SLCO3A1: variants seen among roughly 807,000 people sequenced by gnomAD.
SLCO3A1 encodes solute carrier organic anion transporter family member 3A1, also known as PGE1 transporter.
Under a neutral mutation model 63.1 loss-of-function variants are expected in SLCO3A1, and 27 were observed. The ratio of observed to expected loss-of-function variants is 0.43; its 90% CI spans 0.32 to 0.59. The LOEUF (loss-of-function observed/expected upper bound fraction) is 0.59. Among genes scored for constraint, SLCO3A1 ranks in the 20% least tolerant of loss-of-function variants. The pLI is 0.09. For missense variants in SLCO3A1, 773 were observed against 945.8 expected (o/e 0.82, Z 2.40); for synonymous variants, 473 against 409.9 (o/e 1.15, Z -1.86).
chr15:92,108,412 C>T (rs2047690366), intron 4 of SLCO3A1, among the ~76,000 whole-genome samples: 1 of 152,222 alleles, frequency 6.6e-6, no homozygotes, highest in African/African-American at 2.4e-5. Context: ...GTCCTCTCCT[C>T]CCCTTTCCTA....
Position 91,971,124 on chromosome 15 carries a change from G to A in SLCO3A1, c.646+54666G>A, listed in dbSNP as rs556056747. On this transcript the variant is annotated intron_variant, in intron 2 of 9. Coordinates refer to ENST00000318445, the MANE Select transcript of SLCO3A1 (RefSeq NM_013272.4). ...AAACAAGGTGACCTTGGCCGGGCGCGGTGGCTCACACCTGTAATCTTAGCA... is the reference window on the plus strand; with the variant it reads ...AAACAAGGTGACCTTGGCCGGGCGCAGTGGCTCACACCTGTAATCTTAGCA... Among the ~76,000 whole-genome samples, 6 of 152,104 alleles carry A rather than the reference G, an allele frequency of 3.9e-5. No individual in the cohort carries two copies. The East Asian group carries it at 1.2e-3, about 29-fold the overall frequency.
At chr15:92,024,856 C>T (rs2046551892) in intron 2 of SLCO3A1, among the ~76,000 whole-genome samples, 1 of 152,020 alleles carries the variant, frequency 6.6e-6, no homozygotes, top group East Asian at 1.9e-4. Context: ...AATACAAAGG[C>T]CTTCCCATTC....
chr15:92,122,038 G>A (rs868234683), intron 5 of SLCO3A1, among the ~76,000 whole-genome samples: 1 of 152,202 alleles, frequency 6.6e-6, no homozygotes, highest in Non-Finnish European at 1.5e-5. Context: ...GACATGGCCT[G>A]TGGCATGTGT....
At chr15:92,156,612 T>C (rs1467306629) in intron 9 of SLCO3A1, among the ~76,000 whole-genome samples, 2 of 152,248 alleles carry the variant, frequency 1.3e-5, no homozygotes, top group African/African-American at 4.8e-5. Context: ...ATGTCAGGTA[T>C]CACTGGAAAA....
intron 6 of SLCO3A1, among the ~76,000 whole-genome samples, chr15:92,127,184 C>A (rs1185219230): frequency 6.6e-6 from 1 of 152,204 alleles, no homozygotes; most frequent in Non-Finnish European, 1.5e-5. Flanking sequence ...CAATCCCCGC[C>A]CCAGCCTGGC....
chr15:91,926,604 C>T (rs1319841884), intron 2 of SLCO3A1, among the ~76,000 whole-genome samples: 38 of 43,656 alleles, frequency 8.7e-4, no homozygotes, highest in African/African-American at 3.6e-3. Flanking sequence ...TGTGCGCGCG[C>T]GCACGCCCAT....
intron 2 of SLCO3A1, among the ~76,000 whole-genome samples, chr15:92,076,734 C>T (rs2047282279): frequency 6.6e-6 from 1 of 152,222 alleles, no homozygotes; most frequent in African/African-American, 2.4e-5. Flanking sequence ...TGAGCCAGGT[C>T]CCCACCTGCA....
chr15:92,128,664 A>C (rs961592327), intron 7 of SLCO3A1, among the ~76,000 whole-genome samples, 175 bp downstream of exon 7: 1 of 152,212 alleles, frequency 6.6e-6, no homozygotes, highest in African/African-American at 2.4e-5. Flanking sequence ...TCTTCTTGCT[A>C]AATCAAGTGG....
chr15:91,987,868 T>A (rs913352927), intron 2 of SLCO3A1, among the ~76,000 whole-genome samples: 2 of 151,840 alleles, frequency 1.3e-5, no homozygotes, highest in African/African-American at 4.8e-5. Flanking sequence ...AAAGATATAA[T>A]CAGTCAGCAG....
At chr15:91,889,077 A>G (rs1897803305) in intron 1 of SLCO3A1, 3 of 972,992 alleles carry the variant, frequency 3.1e-6, no homozygotes, top group Non-Finnish European at 3.9e-6. Context: ...CATATAGCTA[A>G]CATTTGTGTA....
Position 91,956,636 on chromosome 15 carries a change from G to T in SLCO3A1, c.646+40178G>T, listed in dbSNP as rs923828332. On this transcript the variant is annotated intron_variant, in intron 2 of 9. Transcript: ENST00000318445. ...AGAACCTTTCTGCCTCCTTGCTGAG[G>T]CTAGGCCCTGGGGAGAAACAGCCTA... Among the ~76,000 whole-genome samples, 5 of 151,870 alleles carry T rather than the reference G, an allele frequency of 3.3e-5. No individual in the cohort carries two copies. In the East Asian group the frequency reaches 9.8e-4, roughly 30 times the overall value.
rs1444187607 is a variant in SLCO3A1 at position 91,900,370 on chromosome 15, CA to C, written c.181-15622del. Among the ~76,000 whole-genome samples the C allele has an allele frequency of 6.6e-6, 1 of 152,218 alleles. No homozygotes were observed. Among genetic ancestry groups the C allele is most frequent in the Non-Finnish European group, 1.5e-5 (1 of 68,044 alleles). On this transcript the variant is annotated intron_variant, in intron 1 of 9. Coordinates refer to ENST00000318445, the MANE Select transcript of SLCO3A1 (RefSeq NM_013272.4). The surrounding 1 kb of genome is among the most constrained non-coding windows in gnomAD (Gnocchi z 4.3). ...TTTGAGATGGAGTCTTGCTCTGTCA[CA>C]CAGGCTGGAGTGCAGTGGTGTGATC... is the stretch of plus-strand genomic sequence containing the variant.
At chr15:91,914,601 G>T (rs1244950306) in intron 1 of SLCO3A1, among the ~76,000 whole-genome samples, 3 of 130,758 alleles carry the variant, frequency 2.3e-5, no homozygotes, top group African/African-American at 5.9e-5. Context: ...GCAAGGTCTC[G>T]CTCTGTTGCC....
chr15:91,923,664 A>G (rs966971274), intron 2 of SLCO3A1, among the ~76,000 whole-genome samples: 3 of 152,270 alleles, frequency 2.0e-5, no homozygotes, highest in South Asian at 2.1e-4. Context: ...TGAGAAAAAC[A>G]GAAATGTAAT....
rs1435009812 is a variant in SLCO3A1 at position 92,162,789 on chromosome 15, G to C, written c.1787G>C (p.Gly596Ala). ...FIPPPLIFGA[G>A]IDSTCLFWST... ...CCTCCACCCCTCATCTTCGGGGCTG[G>C]CATCGACTCCACCTGCCTGTTCTGG... The change falls in exon 10 of 10, where the codon GGC (glycine) becomes GCC (alanine). Residue 596 changes from glycine (G) to alanine (A), a missense_variant. Physicochemically the swap from Gly to Ala is moderately conservative, Grantham distance 60. Coordinates refer to ENST00000318445, the MANE Select transcript of SLCO3A1 (RefSeq NM_013272.4). The C allele has an allele frequency of 6.2e-7, 1 of 1,613,748 alleles. No individual in the cohort carries two copies. The highest frequency in any genetic ancestry group is 1.3e-5 in the African/African-American group (1 of 74,890).
intron 2 of SLCO3A1, among the ~76,000 whole-genome samples, chr15:92,035,736 C>T (rs990915568): frequency 4.0e-5 from 6 of 151,720 alleles, no homozygotes; most frequent in Admixed American, 2.0e-4. Flanking sequence ...TGTGAATGTC[C>T]GCCAGTCTCC....
At position 91,922,176 on chromosome 15, in the gene SLCO3A1, G is replaced by A. The variant is rs543422198; in HGVS notation, c.646+5718G>A. On this transcript the variant is annotated intron_variant, in intron 2 of 9. Coordinates refer to ENST00000318445, the MANE Select transcript of SLCO3A1 (RefSeq NM_013272.4). ...GATAATTTTGAGTTGTGTGTGTTAG[G>A]CAGACACACGCGCGTGCACGCACAC... Among the ~76,000 whole-genome samples, 4 of 146,198 alleles carry A rather than the reference G, an allele frequency of 2.7e-5. No individual in the cohort carries two copies. The South Asian group carries it at 7.0e-4, about 26-fold the overall frequency.
rs1342248921 is a variant in SLCO3A1, at chr15:92,094,987, A to G, written c.745+8A>G. 1 of 1,541,920 alleles carries G rather than the reference A, an allele frequency of 6.5e-7. No individual in the cohort carries two copies. Among genetic ancestry groups the G allele is most frequent in the Admixed American group, 1.7e-5 (1 of 59,878 alleles). On this transcript the variant is annotated splice_region_variant and intron_variant, in intron 3 of 9. Transcript: ENST00000318445. ...CGGTCTTCATTGACACAAGTAAGGA[A>G]TATATCTCCATGTCTACCTTCCATC... is the stretch of plus-strand genomic sequence containing the variant.
intron 7 of SLCO3A1, among the ~76,000 whole-genome samples, chr15:92,136,947 C>T (rs1323797037): frequency 3.4e-5 from 5 of 148,664 alleles, no homozygotes; most frequent in South Asian, 4.3e-4. Flanking sequence ...AGTATTCCAT[C>T]GCGTGGACCA....
Sources: allele counts gnomAD v4.1 joint callset (sites outside exome capture counted in the v4.1 genomes callset), GRCh38; gene constraint gnomAD v4.1.1; non-coding constraint Gnocchi (gnomAD v3.1); transcripts MANE v1.5; gene names NCBI Gene and HGNC (gene_info 2026-07-23, HGNC 2026-07-21).